The following SHANK2 variants were observed in gnomAD, a reference collection of about 807,000 sequenced individuals.
SHANK2 encodes the protein SH3 and multiple ankyrin repeat domains protein 2.
In SHANK2, 43 loss-of-function variants were observed where a neutral mutation model predicts 133.7. The observed-to-expected ratio is 0.32, with a 90% CI of 0.25 to 0.41. The LOEUF (loss-of-function observed/expected upper bound fraction) is 0.41, where lower values mean the gene tolerates loss of function less well. SHANK2 is among the 10% of genes least tolerant of loss of function. The pLI, the probability that SHANK2 is intolerant of heterozygous loss-of-function variation, is 1.00. For synonymous variants in SHANK2, 1,017 were observed against 952.8 expected (o/e 1.07, Z -1.24); for missense variants, 1,994 against 2,235.8 (o/e 0.89, Z 2.18).
intron 10 of SHANK2, among the ~76,000 whole-genome samples, chr11:70,955,366 C>T (rs890687713): frequency 6.6e-6 from 1 of 151,814 alleles, no homozygotes; most frequent in Non-Finnish European, 1.5e-5. Flanking sequence ...GGAACAACTC[C>T]TCCAGTCAGT....
At chr11:70,836,103 C>T (rs986134266) in intron 11 of SHANK2, among the ~76,000 whole-genome samples, 6 of 152,240 alleles carry the variant, frequency 3.9e-5, no homozygotes, top group Non-Finnish European at 8.8e-5. Context: ...CAGCCACAGA[C>T]ACCCTTTCAC....
At position 70,640,321 on chromosome 11, in the gene SHANK2, G is replaced by A. The variant is rs1677959069; in HGVS notation, c.2061+19507C>T. On this transcript the variant is annotated intron_variant, in intron 17 of 25. Coordinates refer to ENST00000601538, the MANE Select transcript of SHANK2 (RefSeq NM_012309.5). ...ATTTGAGACACAGAATCGCAGAGAG[G>A]AGAAGGCCACGTGAAGATGGAGGCA... Among the ~76,000 whole-genome samples, 5 of 152,182 alleles carry A rather than the reference G, an allele frequency of 3.3e-5. No homozygotes were observed. In the South Asian group the frequency reaches 1.0e-3, roughly 32 times the overall value.
At chr11:70,795,139 G>T (rs1490615999) in intron 14 of SHANK2, among the ~76,000 whole-genome samples, 1 of 152,110 alleles carries the variant, frequency 6.6e-6, no homozygotes, top group Non-Finnish European at 1.5e-5. Context: ...TCACAGAGAT[G>T]CCTTCCTTCC....
At chr11:70,703,168 C>G (rs1468603920) in intron 14 of SHANK2, among the ~76,000 whole-genome samples, 1 of 152,228 alleles carries the variant, frequency 6.6e-6, no homozygotes, top group African/African-American at 2.4e-5. Context: ...TTACCAGGGG[C>G]CACACGTATT....
chr11:70,916,475 C>T (rs1210087201), intron 10 of SHANK2, among the ~76,000 whole-genome samples: 1 of 152,168 alleles, frequency 6.6e-6, no homozygotes, highest in African/African-American at 2.4e-5. Context: ...TAAATCCTAG[C>T]ATCAGTCACT....
intron 1 of SHANK2, among the ~76,000 whole-genome samples, chr11:71,251,295 C>T (rs7127647): frequency 0.32 from 49,210 of 152,136 alleles, 8,120 homozygotes; most frequent in East Asian, 0.44. Context: ...CACGCAGACC[C>T]GCCTGGAGGG....
chr11:70,700,609 G>A (rs1945497379), intron 14 of SHANK2, among the ~76,000 whole-genome samples: 1 of 152,174 alleles, frequency 6.6e-6, no homozygotes, highest in Non-Finnish European at 1.5e-5. Context: ...ATATGCCCAG[G>A]TGCAGGAGGA....
intron 9 of SHANK2, among the ~76,000 whole-genome samples, chr11:71,067,942 CATCATT>C (rs1407625834): frequency 6.6e-6 from 1 of 151,828 alleles, no homozygotes; most frequent in East Asian, 1.9e-4. Flanking sequence ...CCATCACCAT[CATCATT>C]ATCACTGTCA....
In SHANK2 at chr11:70,551,467, C is replaced by T. The variant is rs979957153; in HGVS notation, c.2062-48536G>A. On this transcript the variant is annotated intron_variant, in intron 17 of 25. Coordinates refer to ENST00000601538, the MANE Select transcript of SHANK2 (RefSeq NM_012309.5). ...AGAATGTCACACCTGACTTTCGCCC[C>T]AGCATCTGGGCTCTGATGGCGACCG... 7.9e-5 allele frequency among the ~76,000 whole-genome samples: 12 copies of T among 152,310 alleles called. No homozygotes were observed. In the South Asian group the frequency reaches 2.5e-3, roughly 32 times the overall value.
At chr11:70,835,745 G>A (rs1948804596) in intron 11 of SHANK2, among the ~76,000 whole-genome samples, 1 of 152,192 alleles carries the variant, frequency 6.6e-6, no homozygotes, top group African/African-American at 2.4e-5. Context: ...TCCTGGGTCA[G>A]TCTCTGACTC....
intron 2 of SHANK2, among the ~76,000 whole-genome samples, chr11:71,193,320 T>TGAGTGTGTGTGG (rs745788794): frequency 6.6e-6 from 1 of 151,944 alleles, no homozygotes; most frequent in African/African-American, 2.4e-5. Context: ...GAGGAGTGTG[T>TGAGTGTGTGTGG]GAGTGTGTGT....
intron 14 of SHANK2, among the ~76,000 whole-genome samples, chr11:70,720,440 C>T (rs1555028733): frequency 6.6e-6 from 1 of 152,176 alleles, no homozygotes; most frequent in Non-Finnish European, 1.5e-5. Context: ...ATTCTTGGCC[C>T]TGTGACTCCT....
chr11:70,752,366 T>C (rs78585830), intron 14 of SHANK2, among the ~76,000 whole-genome samples: 12,823 of 152,108 alleles, frequency 0.084, 564 homozygotes, highest in Middle Eastern at 0.13. Flanking sequence ...AATATCAAAG[T>C]AGTCTCAAGT....
At chr11:70,477,785 G>A (rs528930661) in intron 25 of SHANK2, among the ~76,000 whole-genome samples, 1 of 152,214 alleles carries the variant, frequency 6.6e-6, no homozygotes, top group Non-Finnish European at 1.5e-5. Flanking sequence ...GTGAGACGCA[G>A]GGTGAAGGCC....
chr11:70,724,041 T>C (rs1163378770), intron 14 of SHANK2, among the ~76,000 whole-genome samples: 2 of 27,818 alleles, frequency 7.2e-5, no homozygotes, highest in Non-Finnish European at 1.3e-4. Flanking sequence ...AGTTCATTCT[T>C]TTTTTTTTTT....
At chr11:70,784,343 G>GTTGTTTTTT (rs1947592111) in intron 14 of SHANK2, among the ~76,000 whole-genome samples, 1 of 42,846 alleles carries the variant, frequency 2.3e-5, no homozygotes, top group African/African-American at 7.9e-5. Flanking sequence ...ACACCGGCTA[G>GTTGTTTTTT]TTTTTTTTTT....
At chr11:70,797,615 T>G (rs1555049397) in intron 14 of SHANK2, among the ~76,000 whole-genome samples, 1 of 152,126 alleles carries the variant, frequency 6.6e-6, no homozygotes, top group East Asian at 1.9e-4. Context: ...GCCCACAGAC[T>G]AGGAACCTCA....
chr11:70,830,480 G>A lies in SHANK2; in HGVS notation c.1175-9798C>T, dbSNP rs189539135. Among the ~76,000 whole-genome samples the A allele has an allele frequency of 1.7e-4, 26 of 152,270 alleles. No individual in the cohort carries two copies. Among genetic ancestry groups the A allele is most frequent in the Admixed American group, 9.2e-4 (14 of 15,298 alleles). ...CCCGGCCCTTCACCCTCCAAGCCAC[G>A]GAGACCCAGAAACCTGCCACCGACC... is the stretch of plus-strand genomic sequence containing the variant. On this transcript the variant is annotated intron_variant, in intron 11 of 25. Coordinates refer to ENST00000601538, the MANE Select transcript of SHANK2 (RefSeq NM_012309.5). The surrounding 1 kb of genome is among the most constrained non-coding windows in gnomAD (Gnocchi z 4.4).
At position 70,949,817 on chromosome 11, in the gene SHANK2, CCA is replaced by C. The variant is rs1363417931; in HGVS notation, c.1108-53252_1108-53251del. 2.0e-5 allele frequency among the ~76,000 whole-genome samples: 3 copies of C among 152,236 alleles called. No individual in the cohort carries two copies. In the East Asian group the frequency reaches 5.8e-4, roughly 29 times the overall value. On this transcript the variant is annotated intron_variant, in intron 10 of 25. Transcript: ENST00000601538. ...GTAGGGCTGATGCTGATGACAGTAT[CCA>C]CAGTCATGAGGCACTGTCTGACCCC...
Sources: allele counts gnomAD v4.1 joint callset (sites outside exome capture counted in the v4.1 genomes callset), GRCh38; gene constraint gnomAD v4.1.1; non-coding constraint Gnocchi (gnomAD v3.1); transcripts MANE v1.5; gene names NCBI Gene and HGNC (gene_info 2026-07-23, HGNC 2026-07-21).